Variants in MACROD2 observed in about 807,000 individuals in gnomAD.
MACROD2 encodes the protein ADP-ribose glycohydrolase MACROD2.
A neutral mutation model predicts 70.4 loss-of-function variants in MACROD2; 36 were observed. That is an observed-to-expected ratio of 0.51 (90% CI 0.39 to 0.68). The LOEUF is 0.68. Ranked by LOEUF, MACROD2 falls within the 30% of genes least tolerant of loss-of-function variation. MACROD2 has a pLI of 0.00. For missense variants in MACROD2, 496 were observed against 538.4 expected, an observed-to-expected ratio of 0.92 and a Z score of 0.78; for synonymous variants, 172 against 178.8, an observed-to-expected ratio of 0.96 and a Z score of 0.30.
intron 5 of MACROD2, among the ~76,000 whole-genome samples, chr20:14,899,493 GAAGC>G (rs1251243661): frequency 2.0e-5 from 3 of 152,118 alleles, no homozygotes; most frequent in Non-Finnish European, 4.4e-5. Flanking sequence ...TTGGTTTGTA[GAAGC>G]ATCACTCTGA....
intron 4 of MACROD2, among the ~76,000 whole-genome samples, chr20:14,608,193 T>A (rs926869390): frequency 2.7e-5 from 4 of 146,858 alleles, no homozygotes; most frequent in Non-Finnish European, 4.5e-5. Context: ...AGCACGGAGG[T>A]TGTAGTGAGC....
chr20:14,129,207 A>C (rs185636513), intron 3 of MACROD2, among the ~76,000 whole-genome samples: 18 of 152,342 alleles, frequency 1.2e-4, no homozygotes, highest in African/African-American at 3.8e-4. Flanking sequence ...AATTCATGGA[A>C]GGAGGTCACA....
At chr20:15,007,846 G>C (rs940122320) in intron 5 of MACROD2, among the ~76,000 whole-genome samples, 3 of 152,176 alleles carry the variant, frequency 2.0e-5, no homozygotes, top group African/African-American at 7.2e-5. Context: ...CTGGGGCCAG[G>C]CTTGCCCATC....
At chr20:16,034,817 C>T (rs1049161195) in intron 15 of MACROD2, among the ~76,000 whole-genome samples, 10 of 151,416 alleles carry the variant, frequency 6.6e-5, no homozygotes, top group African/African-American at 2.4e-4. Flanking sequence ...CCCTCTCATA[C>T]TCTTCCCCCT....
chr20:15,015,133 A>G (rs1029252829), intron 5 of MACROD2, among the ~76,000 whole-genome samples: 1 of 152,106 alleles, frequency 6.6e-6, no homozygotes, highest in Admixed American at 6.5e-5. Flanking sequence ...ACACTATTAT[A>G]TAAATGTTTA....
At chr20:14,939,756 T>C (rs957182002) in intron 5 of MACROD2, among the ~76,000 whole-genome samples, 2 of 152,084 alleles carry the variant, frequency 1.3e-5, no homozygotes, top group Non-Finnish European at 2.9e-5. Flanking sequence ...CTTTCCCTTT[T>C]TTGGTGTTCT....
chr20:15,699,634 G>T (rs768108965), intron 8 of MACROD2, among the ~76,000 whole-genome samples: 36 of 152,134 alleles, frequency 2.4e-4, no homozygotes, highest in Non-Finnish European at 4.9e-4. Flanking sequence ...GTTTCCAGGC[G>T]GAGGGTGAGA....
chr20:15,136,704 T>A (rs996604922), intron 5 of MACROD2, among the ~76,000 whole-genome samples: 2 of 151,662 alleles, frequency 1.3e-5, no homozygotes, highest in Non-Finnish European at 2.9e-5. Context: ...AAGCCAAAAT[T>A]GACAAATGGG....
intron 3 of MACROD2, among the ~76,000 whole-genome samples, chr20:14,405,085 A>G (rs1441384076): frequency 6.6e-6 from 1 of 152,196 alleles, no homozygotes; most frequent in African/African-American, 2.4e-5. Context: ...ACTTACATGT[A>G]TCTAATATGA....
At chr20:14,002,164 A>C in intron 1 of MACROD2, 124 bp from the exon 2 acceptor site, 1 of 470,178 alleles carries the variant, frequency 2.1e-6, no homozygotes, top group South Asian at 6.4e-5. Flanking sequence ...CTGGATTTGC[A>C]TTGTGTTCTT....
At chr20:14,750,460 G>C (rs988804365) in intron 5 of MACROD2, among the ~76,000 whole-genome samples, 1 of 151,910 alleles carries the variant, frequency 6.6e-6, no homozygotes, top group Non-Finnish European at 1.5e-5. Flanking sequence ...ATTTATTGTT[G>C]TTATTATTAT....
chr20:15,929,269 A>G (rs1005643620), intron 10 of MACROD2, among the ~76,000 whole-genome samples: 1 of 152,146 alleles, frequency 6.6e-6, no homozygotes, highest in Non-Finnish European at 1.5e-5. Context: ...TGTCATGGCA[A>G]ATGTCAGGAA....
At chr20:15,066,867 G>A (rs1210324246) in intron 5 of MACROD2, among the ~76,000 whole-genome samples, 2 of 149,694 alleles carry the variant, frequency 1.3e-5, no homozygotes, top group South Asian at 2.1e-4. Context: ...GGGTGACAGA[G>A]AGAGACTCTG....
intron 4 of MACROD2, among the ~76,000 whole-genome samples, chr20:14,507,647 A>C (rs1221351532): frequency 6.6e-6 from 1 of 152,202 alleles, no homozygotes; most frequent in African/African-American, 2.4e-5. Context: ...TTATATTGCC[A>C]TTTTAAATAT....
chr20:15,792,775 G>T (rs1424728572), intron 8 of MACROD2, among the ~76,000 whole-genome samples: 1 of 152,094 alleles, frequency 6.6e-6, no homozygotes, highest in Non-Finnish European at 1.5e-5. Flanking sequence ...CAGAAGTCTG[G>T]AATATACATT....
intron 5 of MACROD2, among the ~76,000 whole-genome samples, chr20:14,852,016 A>T (rs2073204656): frequency 6.6e-6 from 1 of 152,182 alleles, no homozygotes; most frequent in African/African-American, 2.4e-5. Context: ...TCAGAGAGTC[A>T]TGCATGAAAG....
At chr20:15,462,099 TGTAA>T (rs1368656738) in intron 7 of MACROD2, among the ~76,000 whole-genome samples, 1 of 152,230 alleles carries the variant, frequency 6.6e-6, no homozygotes, top group Non-Finnish European at 1.5e-5. Context: ...ATTATATGTC[TGTAA>T]GAGCTACGTG....
rs374807027 is a variant in MACROD2, at chr20:14,465,940, G to A, written c.272-27539G>A. Among the ~76,000 whole-genome samples the A allele has an allele frequency of 6.2e-4, 95 of 152,208 alleles. No homozygotes were observed. The East Asian group carries it at 0.014, about 22-fold the overall frequency. On this transcript the variant is annotated intron_variant, in intron 3 of 17. Transcript: ENST00000684519. The stretch of plus-strand genomic sequence containing the variant: ...ATGGGCTTCCCTTTGTGGGTAACCT[G>A]ACCTTTCTCTCTGGCTGCCCTTAAC...
At chr20:15,719,660 AT>A (rs1217608647) in intron 8 of MACROD2, among the ~76,000 whole-genome samples, 1 of 152,018 alleles carries the variant, frequency 6.6e-6, no homozygotes, top group African/African-American at 2.4e-5. Flanking sequence ...ATTTATTTAT[AT>A]TTTTTATTGA....
Sources: allele counts gnomAD v4.1 joint callset (sites outside exome capture counted in the v4.1 genomes callset), GRCh38; gene constraint gnomAD v4.1.1; transcripts MANE v1.5; gene names NCBI Gene and HGNC (gene_info 2026-07-23, HGNC 2026-07-21).